DYRK1A: variants seen among roughly 807,000 people sequenced by gnomAD.
The protein encoded by DYRK1A is dual specificity tyrosine-phosphorylation-regulated kinase 1A.
In DYRK1A, 9 loss-of-function variants were observed where a neutral mutation model predicts 79.7. The ratio of observed to expected loss-of-function variants is 0.11; its 90% CI spans 0.07 to 0.20. The LOEUF (loss-of-function observed/expected upper bound fraction) is 0.20. Ranked by LOEUF, DYRK1A falls within the 10% of genes least tolerant of loss-of-function variation. The pLI is 1.00. For missense variants in DYRK1A, 622 were observed against 956.0 expected, an observed-to-expected ratio of 0.65 and a Z score of 4.61; for synonymous variants, 349 against 329.7, an observed-to-expected ratio of 1.06 and a Z score of -0.63.
intron 2 of DYRK1A, among the ~76,000 whole-genome samples, chr21:37,454,795 T>C (rs2051580401): frequency 6.6e-6 from 1 of 152,126 alleles, no homozygotes; most frequent in Non-Finnish European, 1.5e-5. Flanking sequence ...ACCAGATGAC[T>C]TAAAGAGGAT....
At chr21:37,492,050 A>T (rs928775834) in intron 7 of DYRK1A, among the ~76,000 whole-genome samples, 4 of 152,218 alleles carry the variant, frequency 2.6e-5, no homozygotes, top group African/African-American at 9.6e-5. Flanking sequence ...TTCTTGGCAT[A>T]AGCTGTGAAA....
intron 2 of DYRK1A, among the ~76,000 whole-genome samples, chr21:37,447,172 A>C (rs2051300820): frequency 6.6e-6 from 1 of 152,114 alleles, no homozygotes; most frequent in Non-Finnish European, 1.5e-5. Flanking sequence ...GAGTTGAGTG[A>C]GACAGTGTTT....
In DYRK1A at chr21:37,472,914, A is replaced by G. The variant is rs762299058; in HGVS notation, c.207+34A>G. 4 of 1,412,622 alleles carry G rather than the reference A, an allele frequency of 2.8e-6. No individual in the cohort carries two copies. The African/African-American group carries it at 4.3e-5, about 15-fold the overall frequency. The allele number at this position is 1,412,622 out of a possible 1,614,324, so 87.5% of individuals were successfully genotyped here. ...ATGGAGTATCAGAAATGACTATTGG[A>G]ATGGCAGTTTATTCCTTAAAAATGT... On this transcript the variant is annotated intron_variant, in intron 3 of 11. Transcript: ENST00000647188.
intron 6 of DYRK1A, 65 bp from the exon 7 acceptor site, chr21:37,490,110 C>A: frequency 7.1e-7 from 1 of 1,411,662 alleles, no homozygotes; most frequent in Non-Finnish European, 9.7e-7. Context: ...TTTGAGAGTG[C>A]ATGTGTTTGT....
intron 2 of DYRK1A, among the ~76,000 whole-genome samples, chr21:37,445,789 C>G (rs1322624347): frequency 6.6e-6 from 1 of 152,106 alleles, no homozygotes; most frequent in Admixed American, 6.5e-5. Context: ...CATTTGTAAT[C>G]AGATGCCAAG....
chr21:37,466,971 A>G (rs757475580), intron 2 of DYRK1A, among the ~76,000 whole-genome samples: 4 of 152,132 alleles, frequency 2.6e-5, no homozygotes, highest in Non-Finnish European at 5.9e-5. Context: ...TTTGAAATTT[A>G]GATGAAGTTA....
intron 1 of DYRK1A, among the ~76,000 whole-genome samples, chr21:37,371,477 C>T (rs2148353392): frequency 6.6e-6 from 1 of 152,174 alleles, no homozygotes; most frequent in South Asian, 2.1e-4. Context: ...GTGATAATAC[C>T]CTACGTTGAA....
chr21:37,384,705 A>C (rs572851187), intron 1 of DYRK1A, among the ~76,000 whole-genome samples: 27 of 152,332 alleles, frequency 1.8e-4, no homozygotes, highest in Non-Finnish European at 3.5e-4. Context: ...CCTAGAACTC[A>C]CACAGATGTT....
chr21:37,436,114 G>A (rs1490206600), intron 2 of DYRK1A, among the ~76,000 whole-genome samples: 3 of 152,164 alleles, frequency 2.0e-5, no homozygotes, highest in East Asian at 1.9e-4. Context: ...GAAGGGTATA[G>A]GGGAAAAAAT....
intron 2 of DYRK1A, among the ~76,000 whole-genome samples, chr21:37,465,290 C>G (rs1393958761): frequency 6.6e-6 from 1 of 152,138 alleles, no homozygotes; most frequent in African/African-American, 2.4e-5. Flanking sequence ...AAAAGAACAT[C>G]AGATTCTTTG....
chr21:37,521,245 A>G lies in DYRK1A; in HGVS notation c.*8714A>G, dbSNP rs150387194. 1 of 152,238 alleles carries G rather than the reference A, an allele frequency of 6.6e-6. No individual in the cohort carries two copies. The highest frequency in any genetic ancestry group is 1.5e-5 in the Non-Finnish European group (1 of 68,056). The allele number at this position is 152,238 out of a possible 1,614,324, so 9.4% of individuals were successfully genotyped here. ...GACTAGATGCAAGAAGCAAAACGGT[A>G]AATTTCCTTTTACTGGCAAAATTAA... On this transcript the variant is annotated 3_prime_UTR_variant, in exon 12 of 12. Coordinates refer to ENST00000647188, the MANE Select transcript of DYRK1A (RefSeq NM_001347721.2).
intron 1 of DYRK1A, among the ~76,000 whole-genome samples, chr21:37,417,203 T>A (rs1445600184): frequency 6.6e-6 from 1 of 152,058 alleles, no homozygotes; most frequent in Non-Finnish European, 1.5e-5. Context: ...ATATATATAT[T>A]TTTGGAGACA....
At chr21:37,440,906 A>AT (rs1489351624) in intron 2 of DYRK1A, among the ~76,000 whole-genome samples, 1 of 152,174 alleles carries the variant, frequency 6.6e-6, no homozygotes, top group Non-Finnish European at 1.5e-5. Flanking sequence ...CTAAATGTTA[A>AT]TTAGGTCAAC....
intron 2 of DYRK1A, among the ~76,000 whole-genome samples, chr21:37,464,552 G>T (rs998912136): frequency 4.6e-5 from 7 of 152,134 alleles, no homozygotes; most frequent in African/African-American, 1.4e-4. Flanking sequence ...TCCAAATGAT[G>T]ATTTTAGATA....
rs1041407767 is a variant in DYRK1A, at chr21:37,441,304, T to C, written c.10+20920T>C. ...GAAATTTATTTCTTACAGACACATATAGTTGACTTGCTTTTCTTGTTGTTC... is the reference window on the plus strand; with the variant it reads ...GAAATTTATTTCTTACAGACACATACAGTTGACTTGCTTTTCTTGTTGTTC... On this transcript the variant is annotated intron_variant, in intron 2 of 11. Coordinates refer to ENST00000647188, the MANE Select transcript of DYRK1A (RefSeq NM_001347721.2). 4.5e-4 allele frequency among the ~76,000 whole-genome samples: 69 copies of C among 152,288 alleles called. 1 individual carries two copies. Among genetic ancestry groups the C allele is most frequent in the South Asian group, 6.2e-4 (3 of 4,828 alleles).
At chr21:37,445,415 G>T (rs1382421866) in intron 2 of DYRK1A, among the ~76,000 whole-genome samples, 2 of 152,198 alleles carry the variant, frequency 1.3e-5, no homozygotes, top group African/African-American at 4.8e-5. Context: ...CATTTACTGT[G>T]CCAAGCATTT....
At chr21:37,495,151 T>TG (rs1254469697) in intron 8 of DYRK1A, among the ~76,000 whole-genome samples, 4 of 120,078 alleles carry the variant, frequency 3.3e-5, no homozygotes, top group South Asian at 3.1e-4. Flanking sequence ...CCTCTGGGAT[T>TG]TTGTGTGTGT....
At position 37,520,528 on chromosome 21, in the gene DYRK1A, A is replaced by G. The variant is rs534830840; in HGVS notation, c.*7997A>G. The G allele has an allele frequency of 6.6e-6, 1 of 152,268 alleles. No individual in the cohort carries two copies. Among genetic ancestry groups the G allele is most frequent in the Admixed American group, 6.5e-5 (1 of 15,310 alleles). 9.4% of individuals were successfully genotyped at this position (152,268 alleles called of 1,614,324 possible). On this transcript the variant is annotated 3_prime_UTR_variant, in exon 12 of 12. Coordinates refer to ENST00000647188, the MANE Select transcript of DYRK1A (RefSeq NM_001347721.2). ...TCCTAAAGTATCATCCTCTCCTTGT[A>G]TCAAATATAAGGACAAAAATGTCTT...
At chr21:37,415,037 T>C (rs2050311303) in intron 1 of DYRK1A, among the ~76,000 whole-genome samples, 1 of 152,182 alleles carries the variant, frequency 6.6e-6, no homozygotes, top group South Asian at 2.1e-4. Context: ...GATGTGTCAG[T>C]GCATTATGTA....
Sources: gnomAD v4.1 joint callset for allele counts (sites outside exome capture counted in the v4.1 genomes callset) on GRCh38, gnomAD v4.1.1 for gene constraint, MANE v1.5 for transcripts, NCBI Gene and HGNC (gene_info 2026-07-23, HGNC 2026-07-21) for gene names.